Variants in MCM9 observed in about 807,000 individuals in gnomAD.
MCM9 encodes the protein minichromosome maintenance 9 homologous recombination repair factor.
In MCM9, 55 loss-of-function variants were observed where a neutral mutation model predicts 72.8. The ratio of observed to expected loss-of-function variants is 0.76; its 90% CI spans 0.61 to 0.95. The LOEUF (loss-of-function observed/expected upper bound fraction) is 0.95. MCM9 is among the 40% of genes least tolerant of loss of function. MCM9 has a pLI of 0.00. For synonymous variants in MCM9, 480 were observed against 503.4 expected, an observed-to-expected ratio of 0.95 and a Z score of 0.62; for missense variants, 1,279 against 1,377.0, an observed-to-expected ratio of 0.93 and a Z score of 1.13.
At chr6:118,892,350 T>A (rs1474040902) in intron 8 of MCM9, among the ~76,000 whole-genome samples, 1 of 152,214 alleles carries the variant, frequency 6.6e-6, no homozygotes, top group East Asian at 1.9e-4. Context: ...TTCAGGTAGA[T>A]CTTCTCAGTC....
At chr6:118,842,449 C>A (rs1459144504) in intron 9 of MCM9, among the ~76,000 whole-genome samples, 1 of 152,190 alleles carries the variant, frequency 6.6e-6, no homozygotes, top group Non-Finnish European at 1.5e-5. Context: ...TGTCATGTGG[C>A]ACTGTGCTGC....
chr6:118,906,934 A>C (rs1290891080), intron 8 of MCM9, among the ~76,000 whole-genome samples: 1 of 152,202 alleles, frequency 6.6e-6, no homozygotes, highest in African/African-American at 2.4e-5. Context: ...CTTATATAGC[A>C]CAAAAGAAAC....
At chr6:118,869,597 T>TAAAAAAAAAAAAAAAAAAAAAAAAAAAA (rs1562417199) in intron 8 of MCM9, among the ~76,000 whole-genome samples, 1 of 5,066 alleles carries the variant, frequency 2.0e-4, no homozygotes, top group Non-Finnish European at 5.1e-4. Flanking sequence ...ACAAAGGATT[T>TAAAAAAAAAAAAAAAAAAAAAAAAAAAA]ACAAAAAAAA....
At chr6:118,840,192 C>A (rs1775257423) in intron 9 of MCM9, among the ~76,000 whole-genome samples, 1 of 147,696 alleles carries the variant, frequency 6.8e-6, no homozygotes, top group Non-Finnish European at 1.5e-5. Context: ...TCTCCACACA[C>A]ACAAAAGAAT....
intron 8 of MCM9, among the ~76,000 whole-genome samples, chr6:118,867,424 T>C (rs150370836): frequency 0.057 from 8,753 of 152,238 alleles, 362 homozygotes; most frequent in East Asian, 0.19. Context: ...AAGTGTACAG[T>C]AATGTTCTAA....
At chr6:118,841,840 T>G (rs1164641574) in intron 9 of MCM9, among the ~76,000 whole-genome samples, 1 of 151,518 alleles carries the variant, frequency 6.6e-6, no homozygotes, top group Non-Finnish European at 1.5e-5. Flanking sequence ...CTTGCCTTTT[T>G]TTTTTTTTTT....
intron 9 of MCM9, among the ~76,000 whole-genome samples, chr6:118,829,842 T>C (rs1774412112): frequency 6.6e-6 from 1 of 152,028 alleles, no homozygotes; most frequent in Non-Finnish European, 1.5e-5. Context: ...ACTCATTTTG[T>C]TTTGATTTTT....
chr6:118,813,555 G>A lies in MCM9; in HGVS notation c.*1269C>T, dbSNP rs1773239512. ...TTTGTTTTCAATGCGTGAATTGAATGAAGTGAAAATTAAACAAAATACATA... is the reference window on the plus strand; with the variant it reads ...TTTGTTTTCAATGCGTGAATTGAATAAAGTGAAAATTAAACAAAATACATA... On this transcript the variant is annotated 3_prime_UTR_variant, in exon 14 of 14. Coordinates refer to ENST00000619706, the MANE Select transcript of MCM9 (RefSeq NM_017696.3). The A allele has an allele frequency of 1.3e-5, 2 of 152,144 alleles. No individual in the cohort carries two copies. The highest frequency in any genetic ancestry group is 4.1e-4 in the South Asian group (2 of 4,832). The allele number at this position is 152,144 out of a possible 1,614,324, so 9.4% of individuals were successfully genotyped here.
chr6:118,814,760 T>A lies in MCM9; in HGVS notation c.*64A>T. ...TTCTATACATTTATAAATACCATAT[T>A]GATATCCTGAAGGTCCTCTGTGGAG... On this transcript the variant is annotated 3_prime_UTR_variant, in exon 14 of 14. Transcript: ENST00000619706. The A allele has an allele frequency of 7.2e-7, 1 of 1,384,456 alleles. No homozygotes were observed. The highest frequency in any genetic ancestry group is 9.6e-7 in the Non-Finnish European group (1 of 1,040,236). The allele number at this position is 1,384,456 out of a possible 1,614,324, so 85.8% of individuals were successfully genotyped here.
intron 8 of MCM9, among the ~76,000 whole-genome samples, chr6:118,878,252 T>G (rs1478098166): frequency 1.3e-5 from 2 of 152,116 alleles, no homozygotes; most frequent in South Asian, 2.1e-4. Flanking sequence ...AAAAAATACA[T>G]AGTCTACAAT....
intron 8 of MCM9, chr6:118,900,735 A>G: frequency 7.0e-7 from 1 of 1,425,302 alleles, no homozygotes; most frequent in Non-Finnish European, 9.9e-7. Flanking sequence ...ATTACTGAAT[A>G]TGAAATAATG....
At chr6:118,888,312 C>A (rs564420872) in intron 8 of MCM9, among the ~76,000 whole-genome samples, 1 of 152,180 alleles carries the variant, frequency 6.6e-6, no homozygotes, top group East Asian at 1.9e-4. Flanking sequence ...CCGTAAAACC[C>A]CGTCTCTACT....
At chr6:118,930,193 C>T (rs1036085402) in intron 3 of MCM9, among the ~76,000 whole-genome samples, 6 of 152,162 alleles carry the variant, frequency 3.9e-5, no homozygotes, top group African/African-American at 1.4e-4. Flanking sequence ...TCACTGCAAG[C>T]TCCGCCTCCT....
intron 8 of MCM9, among the ~76,000 whole-genome samples, chr6:118,895,253 C>T (rs1248509142): frequency 2.6e-5 from 4 of 151,986 alleles, no homozygotes; most frequent in Non-Finnish European, 4.4e-5. Context: ...TCGGCCGGTC[C>T]TCCTCGGCCG....
chr6:118,860,138 C>T (rs188566601), intron 8 of MCM9, among the ~76,000 whole-genome samples: 366 of 152,156 alleles, frequency 2.4e-3, no homozygotes, highest in African/African-American at 8.2e-3. Flanking sequence ...AGAGATAGAA[C>T]AAGCATCAAA....
intron 8 of MCM9, among the ~76,000 whole-genome samples, chr6:118,872,801 G>A (rs1315324491): frequency 6.6e-6 from 1 of 151,500 alleles, no homozygotes; most frequent in Non-Finnish European, 1.5e-5. Flanking sequence ...CTCATCTTAG[G>A]GAAAAAAAGG....
chr6:118,911,584 T>C lies in MCM9; in HGVS notation c.1150+66A>G, dbSNP rs747039025. Reference sequence around the variant, plus strand: ...TATCCTATTATAGGTAGTTTTTCATTAGAAAAAACCATTGTGTTAACTTCT... The same window carrying C: ...TATCCTATTATAGGTAGTTTTTCATCAGAAAAAACCATTGTGTTAACTTCT... On this transcript the variant is annotated intron_variant, in intron 8 of 13. Coordinates refer to ENST00000619706, the MANE Select transcript of MCM9 (RefSeq NM_017696.3). 9 of 1,524,040 alleles carry C rather than the reference T, an allele frequency of 5.9e-6. No homozygotes were observed. The Admixed American group carries it at 1.6e-4, about 27-fold the overall frequency. 94.4% of individuals were successfully genotyped at this position (1,524,040 alleles called of 1,614,324 possible). A position where few individuals can be genotyped will look rare whatever the true frequency, so the allele number is the denominator to read the frequency against.
intron 9 of MCM9, among the ~76,000 whole-genome samples, chr6:118,854,061 C>G (rs1776401085): frequency 2.0e-5 from 3 of 152,146 alleles, no homozygotes; most frequent in Non-Finnish European, 4.4e-5. Flanking sequence ...TGCTAGCAAA[C>G]AGAAATTAAT....
chr6:118,912,124 C>G (rs960259535), intron 7 of MCM9: 2 of 161,604 alleles, frequency 1.2e-5, no homozygotes, highest in African/African-American at 4.8e-5. Context: ...GTGAGACCAG[C>G]CTGGGCAAGA....
Sources: gnomAD v4.1 joint callset for allele counts (sites outside exome capture counted in the v4.1 genomes callset) on GRCh38, gnomAD v4.1.1 for gene constraint, MANE v1.5 for transcripts, NCBI Gene and HGNC (gene_info 2026-07-23, HGNC 2026-07-21) for gene names.